Variants in CMIP observed in about 807,000 individuals in gnomAD.
CMIP encodes C-Maf-inducing protein.
CMIP carries 13 observed loss-of-function variants against 97.3 expected under a neutral mutation model. The observed-to-expected ratio is 0.13, with a 90% CI of 0.09 to 0.21. The LOEUF (loss-of-function observed/expected upper bound fraction) is 0.21. Ranked by LOEUF, CMIP falls within the 10% of genes least tolerant of loss-of-function variation. The pLI, the probability that CMIP is intolerant of heterozygous loss-of-function variation, is 1.00. For synonymous variants in CMIP, 538 were observed against 436.3 expected, an observed-to-expected ratio of 1.23 and a Z score of -2.91; for missense variants, 847 against 1,024.9, an observed-to-expected ratio of 0.83 and a Z score of 2.37.
intron 1 of CMIP, among the ~76,000 whole-genome samples, chr16:81,502,976 T>G (rs894231144): frequency 6.6e-6 from 1 of 152,176 alleles, no homozygotes; most frequent in Non-Finnish European, 1.5e-5. Flanking sequence ...TTAGATATGT[T>G]TGCGTGATGT....
At chr16:81,646,199 GATGA>G (rs1008784679) in intron 3 of CMIP, among the ~76,000 whole-genome samples, 1 of 132,344 alleles carries the variant, frequency 7.6e-6, no homozygotes, top group African/African-American at 2.8e-5. Flanking sequence ...TAAGTAGATG[GATGA>G]ATGAATGAGT....
rs1161596136 is a variant in CMIP, at chr16:81,508,710, T to C, written c.300+63169T>C. 2.0e-5 allele frequency among the ~76,000 whole-genome samples: 3 copies of C among 152,316 alleles called. No homozygotes were observed. In the East Asian group the frequency reaches 5.8e-4, roughly 29 times the overall value. ...TGGGAGTTTCAGCACTCTCCATCAG[T>C]CTGAGAGGGTGCTCCGTGAGACAGA... On this transcript the variant is annotated intron_variant, in intron 1 of 20. Transcript: ENST00000537098.
chr16:81,483,366 G>T (rs2089261296), intron 1 of CMIP, among the ~76,000 whole-genome samples: 1 of 152,198 alleles, frequency 6.6e-6, no homozygotes, highest in African/African-American at 2.4e-5. Context: ...TGTGGATGGA[G>T]CAGAATGTGC....
At chr16:81,527,300 A>G (rs1380945042) in intron 1 of CMIP, among the ~76,000 whole-genome samples, 3 of 152,214 alleles carry the variant, frequency 2.0e-5, no homozygotes, top group African/African-American at 7.2e-5. Flanking sequence ...CCTGCATGCC[A>G]GAAATATCAT....
At chr16:81,645,218 G>C in intron 3 of CMIP, 1 of 408,828 alleles carries the variant, frequency 2.4e-6, no homozygotes, top group Non-Finnish European at 4.0e-6. Flanking sequence ...ACCTGCACTG[G>C]AAAAAGTTTT....
chr16:81,461,667 G>A (rs1041440523), intron 1 of CMIP, among the ~76,000 whole-genome samples: 10 of 152,214 alleles, frequency 6.6e-5, no homozygotes, highest in South Asian at 2.1e-4. Flanking sequence ...CAGGGTGTTC[G>A]CTCTTAAGAG....
intron 1 of CMIP, among the ~76,000 whole-genome samples, chr16:81,573,931 C>G (rs1424175803): frequency 2.0e-5 from 3 of 152,088 alleles, no homozygotes; most frequent in Non-Finnish European, 4.4e-5. Flanking sequence ...GTTTCACCTA[C>G]CCTCCATTTT....
intron 2 of CMIP, among the ~76,000 whole-genome samples, chr16:81,612,894 C>T (rs1476870414): frequency 6.6e-6 from 1 of 152,168 alleles, no homozygotes; most frequent in Non-Finnish European, 1.5e-5. Context: ...CTCGGGGTTC[C>T]AGCCATGCCT....
At chr16:81,570,557 C>T (rs959310722) in intron 1 of CMIP, among the ~76,000 whole-genome samples, 5 of 152,154 alleles carry the variant, frequency 3.3e-5, no homozygotes, top group African/African-American at 1.2e-4. Context: ...CAGGGAGCCC[C>T]ACCCTACCCC....
At chr16:81,574,623 G>A (rs78865455) in intron 1 of CMIP, among the ~76,000 whole-genome samples, 5,174 of 152,336 alleles carry the variant, frequency 0.034, 290 homozygotes, top group African/African-American at 0.12. Context: ...AAGAGCCTTC[G>A]AGTATGGCCT....
chr16:81,703,737 T>A (rs896379448), intron 17 of CMIP: 1 of 624,536 alleles, frequency 1.6e-6, no homozygotes, highest in African/African-American at 1.8e-5. Flanking sequence ...GTCCATGGGA[T>A]GCGTGGCAGC....
chr16:81,563,045 C>T (rs1435551805), intron 1 of CMIP, among the ~76,000 whole-genome samples: 4 of 152,204 alleles, frequency 2.6e-5, no homozygotes, highest in African/African-American at 4.8e-5. Context: ...AGGAATCTCA[C>T]GTGCCCTGGC....
intron 2 of CMIP, among the ~76,000 whole-genome samples, chr16:81,615,155 CAT>C (rs1447320706): frequency 8.8e-5 from 7 of 79,370 alleles, no homozygotes; most frequent in Admixed American, 5.1e-4. Context: ...GATGTGTGTG[CAT>C]GTGTGTGTGG....
intron 1 of CMIP, among the ~76,000 whole-genome samples, chr16:81,546,252 C>G (rs1246736813): frequency 6.6e-6 from 1 of 152,140 alleles, no homozygotes; most frequent in Non-Finnish European, 1.5e-5. Flanking sequence ...CAGACTTGCC[C>G]TACTTCTCCC....
At chr16:81,567,043 A>G (rs1371894000) in intron 1 of CMIP, among the ~76,000 whole-genome samples, 3 of 152,306 alleles carry the variant, frequency 2.0e-5, no homozygotes, top group African/African-American at 7.2e-5. Flanking sequence ...GAGTGTGAGC[A>G]TTTGTCAGGC....
At chr16:81,632,408 C>T (rs2092175347) in intron 3 of CMIP, among the ~76,000 whole-genome samples, 1 of 152,216 alleles carries the variant, frequency 6.6e-6, no homozygotes, top group Non-Finnish European at 1.5e-5. Flanking sequence ...CTTTATCATC[C>T]ACGCGGTTCC....
At chr16:81,645,736 G>C in intron 3 of CMIP, 1 of 971,842 alleles carries the variant, frequency 1.0e-6, no homozygotes, top group Non-Finnish European at 1.6e-6. Context: ...GATGTGGGGA[G>C]CCCTCCTGAG....
intron 1 of CMIP, among the ~76,000 whole-genome samples, chr16:81,596,946 C>T (rs2091567362): frequency 2.0e-5 from 3 of 152,224 alleles, no homozygotes; most frequent in African/African-American, 4.8e-5. Context: ...TTGCTCCATG[C>T]TCAGTTTGTG....
chr16:81,575,371 G>T (rs1047369177), intron 1 of CMIP, among the ~76,000 whole-genome samples: 2 of 152,122 alleles, frequency 1.3e-5, no homozygotes, highest in Middle Eastern at 3.2e-3. Flanking sequence ...CACCATCAGT[G>T]GAGACGACTA....
Sources: allele counts gnomAD v4.1 joint callset (sites outside exome capture counted in the v4.1 genomes callset), GRCh38; gene constraint gnomAD v4.1.1; transcripts MANE v1.5; gene names NCBI Gene and HGNC (gene_info 2026-07-23, HGNC 2026-07-21).